The following VTI1A variants were observed in gnomAD, a reference collection of about 807,000 sequenced individuals.
The protein encoded by VTI1A is vesicle transport through interaction with t-SNAREs homolog 1A.
VTI1A carries 22 observed loss-of-function variants against 34.9 expected under a neutral mutation model. That is an observed-to-expected ratio of 0.63 (90% CI 0.45 to 0.90). The LOEUF is 0.90. VTI1A is among the 40% of genes least tolerant of loss of function. The pLI is 0.00. For missense variants in VTI1A, 268 were observed against 275.6 expected (o/e 0.97, Z 0.20); for synonymous variants, 87 against 97.3 (o/e 0.89, Z 0.62).
At chr10:112,721,683 G>A (rs763799093) in intron 7 of VTI1A, among the ~76,000 whole-genome samples, 3 of 152,160 alleles carry the variant, frequency 2.0e-5, no homozygotes, top group Non-Finnish European at 2.9e-5. Flanking sequence ...CCATAATGAT[G>A]TGCTGTTGGG....
chr10:112,849,998 A>T, the VTI1A span, among the ~76,000 whole-genome samples: 1 of 152,184 alleles, frequency 6.6e-6, no homozygotes, highest in Non-Finnish European at 1.5e-5. Context: ...CTGGAAACAA[A>T]AGAGGAAGGT....
intron 5 of VTI1A, among the ~76,000 whole-genome samples, chr10:112,557,402 G>A (rs1341691773): frequency 6.6e-6 from 1 of 152,126 alleles, no homozygotes; most frequent in Non-Finnish European, 1.5e-5. Flanking sequence ...ATGTTCAGCA[G>A]TAAAGATAGT....
intron 7 of VTI1A, among the ~76,000 whole-genome samples, chr10:112,710,862 T>C (rs1849388520): frequency 6.6e-6 from 1 of 152,136 alleles, no homozygotes; most frequent in African/African-American, 2.4e-5. Flanking sequence ...TAGAATAATA[T>C]TACATTCCAA....
chr10:112,641,388 G>C (rs1372317422), intron 5 of VTI1A, among the ~76,000 whole-genome samples: 1 of 152,168 alleles, frequency 6.6e-6, no homozygotes. Flanking sequence ...AATGTGGAAA[G>C]GTTGAGGACC....
intron 7 of VTI1A, among the ~76,000 whole-genome samples, chr10:112,765,537 T>G (rs1851619805): frequency 6.6e-6 from 1 of 152,342 alleles, no homozygotes; most frequent in East Asian, 1.9e-4. Flanking sequence ...ATTACATTTA[T>G]GTTTAATTTA....
rs533034224 is a variant in VTI1A at position 112,600,078 on chromosome 10, C to G, written c.427+61748C>G. Among the ~76,000 whole-genome samples the G allele has an allele frequency of 7.9e-5, 12 of 152,266 alleles. No individual in the cohort carries two copies. In the South Asian group the frequency reaches 1.7e-3, roughly 21 times the overall value. ...GGCTCACAGCTGGTGTGTGATGAAG[C>G]AAGTTTTAAATCCAGGGCTATCTGA... On this transcript the variant is annotated intron_variant, in intron 5 of 7. Transcript: ENST00000393077.
At chr10:112,466,511 A>G (rs577899710) in intron 3 of VTI1A, among the ~76,000 whole-genome samples, 66 of 152,298 alleles carry the variant, frequency 4.3e-4, no homozygotes, top group African/African-American at 1.5e-3. Flanking sequence ...ATTTTCTCCA[A>G]CTGCTTTGTG....
At chr10:112,853,967 C>T in the VTI1A span, among the ~76,000 whole-genome samples, 1 of 152,172 alleles carries the variant, frequency 6.6e-6, no homozygotes, top group Non-Finnish European at 1.5e-5. Context: ...CACAGAAGAT[C>T]CTCAGATCCT....
At chr10:112,831,858 T>A in the VTI1A span, 1 of 152,190 alleles carries the variant, frequency 6.6e-6, no homozygotes, top group Non-Finnish European at 1.5e-5. Context: ...GAATATTACC[T>A]TTTACTAAGA....
intron 1 of VTI1A, among the ~76,000 whole-genome samples, chr10:112,459,978 C>T (rs1847676739): frequency 6.6e-6 from 1 of 151,982 alleles, no homozygotes; most frequent in South Asian, 2.1e-4. Context: ...AATTTCTTGC[C>T]CAGGATCCCA....
chr10:112,467,435 A>G (rs946640671), intron 3 of VTI1A, among the ~76,000 whole-genome samples: 1 of 152,152 alleles, frequency 6.6e-6, no homozygotes, highest in Non-Finnish European at 1.5e-5. Flanking sequence ...TACACATAAA[A>G]TATCCTAACA....
chr10:112,504,736 A>G (rs552388615), intron 3 of VTI1A, among the ~76,000 whole-genome samples: 1 of 152,306 alleles, frequency 6.6e-6, no homozygotes, highest in Non-Finnish European at 1.5e-5. Flanking sequence ...GTATTAATTT[A>G]CATGACCCCG....
At chr10:112,747,619 T>C (rs533543939) in intron 7 of VTI1A, among the ~76,000 whole-genome samples, 3 of 152,312 alleles carry the variant, frequency 2.0e-5, no homozygotes, top group African/African-American at 7.2e-5. Context: ...GTGCCTAGAA[T>C]AAAACATAAG....
intron 3 of VTI1A, among the ~76,000 whole-genome samples, chr10:112,512,624 C>T (rs967909205): frequency 1.8e-4 from 27 of 152,060 alleles, no homozygotes; most frequent in African/African-American, 5.6e-4. Flanking sequence ...TTGTCTAAAC[C>T]GATGTCCCCA....
intron 5 of VTI1A, among the ~76,000 whole-genome samples, chr10:112,657,130 C>T (rs1021230578): frequency 2.4e-4 from 36 of 152,182 alleles, no homozygotes; most frequent in African/African-American, 8.4e-4. Context: ...GACAGTTAAA[C>T]CCCTTTTCTG....
chr10:112,612,589 T>G (rs548742765), intron 5 of VTI1A, among the ~76,000 whole-genome samples: 1 of 152,234 alleles, frequency 6.6e-6, no homozygotes, highest in African/African-American at 2.4e-5. Flanking sequence ...ATCCAGCCAA[T>G]TTTTTGAATT....
Position 112,493,485 on chromosome 10 carries a change from C to T in VTI1A, c.264+28828C>T, listed in dbSNP as rs1047398290. Among the ~76,000 whole-genome samples the T allele has an allele frequency of 4.0e-5, 6 of 151,454 alleles. No individual in the cohort carries two copies. The South Asian group carries it at 8.3e-4, about 21-fold the overall frequency. ...TTTATTTTTTATTTTTCCCTTTTTCCACTGGCTACACACTGATATAATACT... is the reference window on the plus strand; with the variant it reads ...TTTATTTTTTATTTTTCCCTTTTTCTACTGGCTACACACTGATATAATACT... On this transcript the variant is annotated intron_variant, in intron 3 of 7. Coordinates refer to ENST00000393077, the MANE Select transcript of VTI1A (RefSeq NM_145206.4).
At chr10:112,543,739 A>C (rs1440159471) in intron 5 of VTI1A, among the ~76,000 whole-genome samples, 2 of 152,084 alleles carry the variant, frequency 1.3e-5, no homozygotes, top group African/African-American at 4.8e-5. Context: ...GTGTTTTAGT[A>C]ATGAAGTTCT....
chr10:112,542,102 C>T (rs1008775957), intron 5 of VTI1A, among the ~76,000 whole-genome samples: 1 of 152,014 alleles, frequency 6.6e-6, no homozygotes, highest in African/African-American at 2.4e-5. Flanking sequence ...GGTCATCTGC[C>T]CTTTATTCTG....
Sources: gnomAD v4.1 joint callset for allele counts (sites outside exome capture counted in the v4.1 genomes callset) on GRCh38, gnomAD v4.1.1 for gene constraint, MANE v1.5 for transcripts, NCBI Gene and HGNC (gene_info 2026-07-23, HGNC 2026-07-21) for gene names.